Variants in CEP70 observed in about 807,000 individuals in gnomAD.
The protein encoded by CEP70 is centrosomal protein of 70 kDa.
Under a neutral mutation model 90.9 loss-of-function variants are expected in CEP70, and 70 were observed. The observed-to-expected ratio is 0.77, with a 90% CI of 0.64 to 0.94. The LOEUF (loss-of-function observed/expected upper bound fraction) is 0.94, where lower values mean the gene tolerates loss of function less well. Ranked by LOEUF, CEP70 falls within the 40% of genes least tolerant of loss-of-function variation. The pLI, the probability that CEP70 is intolerant of heterozygous loss-of-function variation, is 0.00. For synonymous variants in CEP70, 220 were observed against 228.3 expected, an observed-to-expected ratio of 0.96 and a Z score of 0.33; for missense variants, 648 against 669.0, an observed-to-expected ratio of 0.97 and a Z score of 0.35.
chr3:138,519,725 A>C (rs1246591108), intron 11 of CEP70, among the ~76,000 whole-genome samples: 1 of 152,222 alleles, frequency 6.6e-6, no homozygotes, highest in African/African-American at 2.4e-5. Flanking sequence ...CCACTGCAAA[A>C]TCATGCCAAA....
At chr3:138,533,427 A>G (rs1309844497) in intron 7 of CEP70, among the ~76,000 whole-genome samples, 2 of 152,250 alleles carry the variant, frequency 1.3e-5, no homozygotes, top group East Asian at 1.9e-4. Flanking sequence ...TCTAAAAAGA[A>G]AAGAAAAAAG....
intron 6 of CEP70, among the ~76,000 whole-genome samples, chr3:138,556,681 G>C (rs1029374982): frequency 2.0e-5 from 3 of 152,052 alleles, no homozygotes; most frequent in Non-Finnish European, 4.4e-5. Context: ...GTCCGGGGGA[G>C]ACATCACGTC....
intron 2 of CEP70, among the ~76,000 whole-genome samples, chr3:138,582,255 C>T (rs986813282): frequency 1.5e-4 from 23 of 152,000 alleles, no homozygotes; most frequent in African/African-American, 5.3e-4. Context: ...GGGTGGATCA[C>T]GAGGTCAGGA....
chr3:138,576,648 C>T (rs1230582281), intron 2 of CEP70, among the ~76,000 whole-genome samples: 1 of 152,230 alleles, frequency 6.6e-6, no homozygotes, highest in African/African-American at 2.4e-5. Context: ...ATAGAATATA[C>T]ATTCTTCTCA....
At chr3:138,544,539 G>GTATGTATGTA (rs879662255) in intron 6 of CEP70, among the ~76,000 whole-genome samples, 1 of 149,976 alleles carries the variant, frequency 6.7e-6, no homozygotes, top group African/African-American at 2.5e-5. Flanking sequence ...ATGTATGTAT[G>GTATGTATGTA]TGTGTGTGTG....
rs2035055817 is a variant in CEP70, at chr3:138,507,080, A to C, written c.1050+1359T>G. 2.0e-5 allele frequency among the ~76,000 whole-genome samples: 3 copies of C among 152,268 alleles called. No homozygotes were observed. The South Asian group carries it at 6.2e-4, about 32-fold the overall frequency. On this transcript the variant is annotated intron_variant, in intron 12 of 17. Transcript: ENST00000264982. Reference sequence around the variant, plus strand: ...TTAAAGGACAAAGCCTCTCAAATTGAGTCTCAGAAACAAAATGAAATCCAG... The same window carrying C: ...TTAAAGGACAAAGCCTCTCAAATTGCGTCTCAGAAACAAAATGAAATCCAG...
At chr3:138,550,821 CA>C (rs1274512690) in intron 6 of CEP70, among the ~76,000 whole-genome samples, 2 of 152,056 alleles carry the variant, frequency 1.3e-5, no homozygotes, top group Non-Finnish European at 2.9e-5. Flanking sequence ...CCAACAATGA[CA>C]AAGAAAAAGA....
chr3:138,578,127 C>T (rs1461498468), intron 2 of CEP70, among the ~76,000 whole-genome samples: 3 of 152,124 alleles, frequency 2.0e-5, no homozygotes, highest in Admixed American at 1.3e-4. Flanking sequence ...GGTGTAGTAC[C>T]GTTGGCCCTC....
At chr3:138,520,287 TAAG>T (rs2036490224) in intron 11 of CEP70, among the ~76,000 whole-genome samples, 1 of 151,906 alleles carries the variant, frequency 6.6e-6, no homozygotes, top group South Asian at 2.1e-4. Context: ...GACAGAAAAT[TAAG>T]AAGGATATCC....
chr3:138,540,647 G>A (rs1009197960), intron 6 of CEP70, among the ~76,000 whole-genome samples: 1 of 152,164 alleles, frequency 6.6e-6, no homozygotes, highest in Non-Finnish European at 1.5e-5. Flanking sequence ...CTGTTGATGG[G>A]AATGTAAATT....
chr3:138,500,220 A>C lies in CEP70; in HGVS notation c.1542T>G (p.Ser514Arg), dbSNP rs1368121841. 1.2e-6 allele frequency: 2 copies of C among 1,604,412 alleles called. No homozygotes were observed. The highest frequency in any genetic ancestry group is 1.7e-6 in the Non-Finnish European group (2 of 1,171,704). Reference sequence around the variant, plus strand: ...TTACTAGCACACACAATGAGGATGAACTATCTGCAAAAGAGAAATAAAAGG... The same window carrying C: ...TTACTAGCACACACAATGAGGATGACCTATCTGCAAAAGAGAAATAAAAGG... ...RNLQELLELD[S>R]SSSLCVLVST... The change falls in exon 16 of 18, where the codon AGT becomes AGG. Residue 514 changes from serine to arginine, a missense_variant. By Grantham distance (110) the Ser-to-Arg change is moderately radical. Coordinates refer to ENST00000264982, the MANE Select transcript of CEP70 (RefSeq NM_024491.4).
In CEP70 at chr3:138,511,726, AC is replaced by A. The variant is rs1418426188; in HGVS notation, c.945-3183del. 6.6e-5 allele frequency among the ~76,000 whole-genome samples: 10 copies of A among 152,356 alleles called. No homozygotes were observed. In the South Asian group the frequency reaches 2.1e-3, roughly 32 times the overall value. On this transcript the variant is annotated intron_variant, in intron 11 of 17. Coordinates refer to ENST00000264982, the MANE Select transcript of CEP70 (RefSeq NM_024491.4). ...AGCCTAATGATGATAACTAGTAGGT[AC>A]TGAGAGCCTTCTCTATGCAGGAATT...
rs2108143047 is a variant in CEP70, at chr3:138,570,484, A to G, written c.299T>C (p.Leu100Pro). The stretch of plus-strand genomic sequence containing the variant: ...TTGATTGGCTGCTCGGCTTTGCTCT[A>G]GCTGAAGTTCATTTCTAAGTTAATA... ...TNQQLRNELQLEQSRAANQEQ... is the reference protein window; with the variant it reads ...TNQQLRNELQPEQSRAANQEQ... Residue 100 changes from leucine to proline, a missense_variant, in exon 6 of 18, where the codon CTA becomes CCA. Leu to Pro is a moderately conservative substitution (Grantham distance 98). Transcript: ENST00000264982. The G allele has an allele frequency of 6.2e-7, 1 of 1,604,782 alleles. No homozygotes were observed. Among genetic ancestry groups the G allele is most frequent in the South Asian group, 1.1e-5 (1 of 88,528 alleles).
intron 2 of CEP70, among the ~76,000 whole-genome samples, chr3:138,574,197 C>A (rs190921263): frequency 1.3e-5 from 2 of 152,308 alleles, no homozygotes; most frequent in Non-Finnish European, 2.9e-5. Flanking sequence ...CCAAAGGAAG[C>A]CGTGACAGAC....
intron 6 of CEP70, among the ~76,000 whole-genome samples, chr3:138,555,850 G>T (rs550996718): frequency 6.6e-6 from 1 of 152,218 alleles, no homozygotes; most frequent in African/African-American, 2.4e-5. Flanking sequence ...ATGGAAAACA[G>T]TGTGGAGATT....
intron 11 of CEP70, among the ~76,000 whole-genome samples, chr3:138,523,810 T>C (rs2036932741): frequency 6.6e-6 from 1 of 152,116 alleles, no homozygotes; most frequent in Admixed American, 6.5e-5. Flanking sequence ...CAAGGTAATT[T>C]ATAGATTCAA....
rs148327991 is a variant in CEP70 at position 138,501,065 on chromosome 3, C to T, written c.1222-184G>A. ...TCATTTTTTTTAAATAAAAATACTA[C>T]TACCAATTTAGAACAAGTCAGTTAA... On this transcript the variant is annotated intron_variant, in intron 13 of 17. Coordinates refer to ENST00000264982, the MANE Select transcript of CEP70 (RefSeq NM_024491.4). Among the ~76,000 whole-genome samples, 1,071 of 151,630 alleles carry T rather than the reference C, an allele frequency of 7.1e-3. 12 individuals are homozygous for T. The highest frequency in any genetic ancestry group is 0.025 in the African/African-American group (1,025 of 41,392).
chr3:138,545,924 A>ACGGT (rs2039159154), intron 6 of CEP70, among the ~76,000 whole-genome samples: 1 of 152,200 alleles, frequency 6.6e-6, no homozygotes, highest in Non-Finnish European at 1.5e-5. Context: ...TTATCAAGAC[A>ACGGT]ATATGTGCAC....
chr3:138,552,279 T>C (rs995512185), intron 6 of CEP70, among the ~76,000 whole-genome samples: 2 of 151,656 alleles, frequency 1.3e-5, no homozygotes, highest in African/African-American at 4.9e-5. Context: ...AGACAGAAAA[T>C]CAACAAAGAA....
Sources: gnomAD v4.1 joint callset for allele counts (sites outside exome capture counted in the v4.1 genomes callset) on GRCh38, gnomAD v4.1.1 for gene constraint, MANE v1.5 for transcripts, NCBI Gene and HGNC (gene_info 2026-07-23, HGNC 2026-07-21) for gene names.